TMC1: variants seen among roughly 807,000 people sequenced by gnomAD.
The protein encoded by TMC1 is transmembrane channel-like protein 1.
A neutral mutation model predicts 105.8 loss-of-function variants in TMC1; 84 were observed. That is an observed-to-expected ratio of 0.79 (90% CI 0.67 to 0.95). The LOEUF is 0.95. TMC1 is among the 40% of genes least tolerant of loss of function. The pLI is 0.00. For missense variants in TMC1, 817 were observed against 914.1 expected (o/e 0.89, Z 1.37); for synonymous variants, 315 against 311.5 (o/e 1.01, Z -0.12).
chr9:72,539,682 G>A (rs781511283), intron 1 of TMC1, among the ~76,000 whole-genome samples: 3 of 152,102 alleles, frequency 2.0e-5, no homozygotes, highest in Non-Finnish European at 4.4e-5. Flanking sequence ...TCATCTGCCT[G>A]TCTTCTTCTG....
chr9:72,777,661 A>G (rs1016081300), intron 13 of TMC1, among the ~76,000 whole-genome samples: 8 of 152,220 alleles, frequency 5.3e-5, no homozygotes, highest in Admixed American at 4.6e-4. Context: ...TATGAATTGC[A>G]TCTAGATTTT....
intron 2 of TMC1, among the ~76,000 whole-genome samples, chr9:72,591,620 G>A (rs987648158): frequency 1.3e-5 from 2 of 152,246 alleles, no homozygotes; most frequent in East Asian, 3.9e-4. Flanking sequence ...GAGTGCAGTG[G>A]TATAATCATA....
At chr9:72,659,773 T>C (rs1318820369) in intron 5 of TMC1, among the ~76,000 whole-genome samples, 1 of 152,244 alleles carries the variant, frequency 6.6e-6, no homozygotes, top group Non-Finnish European at 1.5e-5. Context: ...GATATCTAGT[T>C]CTTCCTCTTA....
chr9:72,665,819 C>T (rs2132164520), intron 5 of TMC1, among the ~76,000 whole-genome samples: 1 of 152,334 alleles, frequency 6.6e-6, no homozygotes, highest in Middle Eastern at 3.4e-3. Context: ...TAGGTGAAGG[C>T]TGTAGATGTA....
intron 8 of TMC1, among the ~76,000 whole-genome samples, chr9:72,711,118 T>A (rs1050625064): frequency 3.3e-5 from 5 of 152,256 alleles, no homozygotes; most frequent in Admixed American, 6.5e-5. Context: ...TATGGCTGCA[T>A]AGTATTCCAT....
chr9:72,792,106 G>T (rs371361523), intron 16 of TMC1, 41 bp downstream of exon 16: 516 of 1,613,478 alleles, frequency 3.2e-4, no homozygotes, highest in Non-Finnish European at 4.1e-4. Flanking sequence ...TAAGAGTGTT[G>T]TTCAATTCCC....
chr9:72,640,093 G>A (rs1825601327), intron 4 of TMC1, among the ~76,000 whole-genome samples: 1 of 152,044 alleles, frequency 6.6e-6, no homozygotes, highest in Non-Finnish European at 1.5e-5. Flanking sequence ...CACAGAAAAA[G>A]CACTTGATAC....
Position 72,563,235 on chromosome 9 carries a change from T to A in TMC1, c.-427-14667T>A, listed in dbSNP as rs547373264. Among the ~76,000 whole-genome samples the A allele has an allele frequency of 1.3e-4, 20 of 152,186 alleles. No homozygotes were observed. In the East Asian group the frequency reaches 2.5e-3, roughly 19 times the overall value. On this transcript the variant is annotated intron_variant, in intron 1 of 23. Transcript: ENST00000297784. ...ATTAGGAAGTAGATTGAGATCAGATTGAGAAAGGTCTTCCAGACCAGATGA... is the reference window on the plus strand; with the variant it reads ...ATTAGGAAGTAGATTGAGATCAGATAGAGAAAGGTCTTCCAGACCAGATGA...
chr9:72,522,067 G>A (rs1439240127), intron 1 of TMC1, among the ~76,000 whole-genome samples, 154 bp downstream of exon 1: 1 of 151,988 alleles, frequency 6.6e-6, no homozygotes, highest in African/African-American at 2.4e-5. Flanking sequence ...TACTGCTACA[G>A]AAATCTCCCC....
intron 8 of TMC1, 32 bp from the exon 9 acceptor site, chr9:72,740,087 T>C: frequency 1.3e-6 from 2 of 1,567,002 alleles, no homozygotes; most frequent in Non-Finnish European, 1.8e-6. Context: ...ACTCACCTCC[T>C]TTTATCCCTT....
At chr9:72,546,983 T>A (rs1159296105) in intron 1 of TMC1, among the ~76,000 whole-genome samples, 1 of 152,146 alleles carries the variant, frequency 6.6e-6, no homozygotes, top group African/African-American at 2.4e-5. Flanking sequence ...CATCCGTGAA[T>A]CTTTTTTAAA....
chr9:72,717,684 C>T (rs1826943838), intron 8 of TMC1, among the ~76,000 whole-genome samples: 1 of 152,138 alleles, frequency 6.6e-6, no homozygotes, highest in Non-Finnish European at 1.5e-5. Flanking sequence ...ATAGATTTTC[C>T]TTTATAGGCT....
At chr9:72,753,864 C>T (rs977269907) in intron 11 of TMC1, among the ~76,000 whole-genome samples, 9 of 152,146 alleles carry the variant, frequency 5.9e-5, no homozygotes, top group African/African-American at 2.2e-4. Flanking sequence ...TGCCCCCGAA[C>T]TTTGGGGCGA....
At chr9:72,659,353 G>A (rs1336713258) in intron 5 of TMC1, among the ~76,000 whole-genome samples, 5 of 152,142 alleles carry the variant, frequency 3.3e-5, no homozygotes, top group Admixed American at 3.3e-4. Context: ...ATGGAGTTTG[G>A]GCCGGGAGTG....
chr9:72,554,261 A>C (rs1294204414), intron 1 of TMC1, among the ~76,000 whole-genome samples: 1 of 152,176 alleles, frequency 6.6e-6, no homozygotes, highest in Non-Finnish European at 1.5e-5. Flanking sequence ...ATACTTTTCA[A>C]GTTAAACATT....
chr9:72,667,726 C>T lies in TMC1; in HGVS notation c.16+19062C>T, dbSNP rs574416037. On this transcript the variant is annotated intron_variant, in intron 5 of 23. Coordinates refer to ENST00000297784, the MANE Select transcript of TMC1 (RefSeq NM_138691.3). The stretch of plus-strand genomic sequence containing the variant: ...CAGTAAAACAGTCAGACAACAGCAC[C>T]TATTGTTATAAATCCCTGCCTCTTC... Among the ~76,000 whole-genome samples, 22 of 152,322 alleles carry T rather than the reference C, an allele frequency of 1.4e-4. No individual in the cohort carries two copies. The South Asian group carries it at 4.6e-3, about 32-fold the overall frequency.
chr9:72,538,519 C>T (rs1823624422), intron 1 of TMC1, among the ~76,000 whole-genome samples: 2 of 152,018 alleles, frequency 1.3e-5, no homozygotes, highest in African/African-American at 4.8e-5. Context: ...TCACTGTAAC[C>T]TCCGTCTCCC....
chr9:72,620,614 T>C (rs747413856), intron 3 of TMC1, among the ~76,000 whole-genome samples: 11 of 152,138 alleles, frequency 7.2e-5, no homozygotes, highest in African/African-American at 4.8e-5. Flanking sequence ...TTCGTACTTA[T>C]CTCTTAAATC....
chr9:72,561,339 AAG>A (rs1430858243), intron 1 of TMC1, among the ~76,000 whole-genome samples: 3 of 149,996 alleles, frequency 2.0e-5, no homozygotes, highest in Non-Finnish European at 4.4e-5. Flanking sequence ...AAAAAAAAAA[AAG>A]AGAGAGAGAA....
Sources: allele counts gnomAD v4.1 joint callset (sites outside exome capture counted in the v4.1 genomes callset), GRCh38; gene constraint gnomAD v4.1.1; transcripts MANE v1.5; gene names NCBI Gene and HGNC (gene_info 2026-07-23, HGNC 2026-07-21).